ZNF260: variants seen among roughly 807,000 people sequenced by gnomAD.
ZNF260 encodes the protein zfp-260.
Under a neutral mutation model 29.3 loss-of-function variants are expected in ZNF260, and 21 were observed. That is an observed-to-expected ratio of 0.72 (90% CI 0.51 to 1.03). The LOEUF (loss-of-function observed/expected upper bound fraction) is 1.03. Among genes scored for constraint, ZNF260 ranks in the 50% least tolerant of loss-of-function variants. ZNF260 has a pLI of 0.00. For missense variants in ZNF260, 465 were observed against 487.8 expected (o/e 0.95, Z 0.44); for synonymous variants, 156 against 156.8 (o/e 0.99, Z 0.04).
intron 2 of ZNF260, among the ~76,000 whole-genome samples, chr19:36,523,789 G>T (rs1474068871): frequency 6.6e-6 from 1 of 151,790 alleles, no homozygotes; most frequent in African/African-American, 2.4e-5. Flanking sequence ...TGTTGGTCAG[G>T]CTGGTCTCAA....
intron 1 of ZNF260, among the ~76,000 whole-genome samples, chr19:36,525,606 G>C: frequency 6.6e-6 from 1 of 152,078 alleles, no homozygotes; most frequent in East Asian, 1.9e-4. Flanking sequence ...GGCCAACATG[G>C]TGAAACCCTG....
Position 36,513,174 on chromosome 19 carries a change from T to G in ZNF260, c.*826A>C, listed in dbSNP as rs1600205426. The G allele has an allele frequency of 1.3e-5, 2 of 152,258 alleles. No homozygotes were observed. Among genetic ancestry groups the G allele is most frequent in the East Asian group, 3.9e-4 (2 of 5,182 alleles). 9.4% of individuals were successfully genotyped at this position (152,258 alleles called of 1,614,324 possible). ...TATATATAAGAAAAAAACATAGACATAGAGTTTGGTCCTATCTGGGTTTTA... is the reference window on the plus strand; with the variant it reads ...TATATATAAGAAAAAAACATAGACAGAGAGTTTGGTCCTATCTGGGTTTTA... On this transcript the variant is annotated 3_prime_UTR_variant, in exon 3 of 3. Coordinates refer to ENST00000523638, the MANE Select transcript of ZNF260 (RefSeq NM_001166037.2).
chr19:36,527,724 C>T (rs555426980), intron 1 of ZNF260, among the ~76,000 whole-genome samples: 1 of 152,198 alleles, frequency 6.6e-6, no homozygotes, highest in South Asian at 2.1e-4. Context: ...CACCCAGTAA[C>T]AAGTTTTTCC....
At chr19:36,516,723 C>T (rs1046478653) in intron 2 of ZNF260, among the ~76,000 whole-genome samples, 7 of 152,144 alleles carry the variant, frequency 4.6e-5, no homozygotes, top group African/African-American at 9.7e-5. Flanking sequence ...GGACTACAGG[C>T]GCCCACCACC....
At position 36,514,658 on chromosome 19, in the gene ZNF260, C is replaced by G. The variant is rs2034514370; in HGVS notation, c.581G>C (p.Cys194Ser). Residue 194 changes from cysteine to serine, a missense_variant, in exon 3 of 3, where the codon TGT (cysteine) becomes TCT (serine). Transcript: ENST00000523638. ...NIHTGKKPFK[C>S]SECGKAFSQK... The stretch of plus-strand genomic sequence containing the variant: ...GCTAAAAGCTTTTCCACACTCACTA[C>G]ATTTAAAGGGCTTCTTTCCAGTATG... 6.2e-7 allele frequency: 1 copy of G among 1,613,942 alleles called. No individual in the cohort carries two copies. Among genetic ancestry groups the G allele is most frequent in the Non-Finnish European group, 8.5e-7 (1 of 1,180,020 alleles).
chr19:36,515,069 C>A lies in ZNF260; in HGVS notation c.170G>T (p.Cys57Phe). 1.2e-6 allele frequency: 2 copies of A among 1,614,104 alleles called. No homozygotes were observed. The highest frequency in any genetic ancestry group is 1.7e-6 in the Non-Finnish European group (2 of 1,180,016). Residue 57 changes from cysteine to phenylalanine, a missense_variant, in exon 3 of 3, where the codon TGC becomes TTC. Cys to Phe is a radical substitution (Grantham distance 205). Coordinates refer to ENST00000523638, the MANE Select transcript of ZNF260 (RefSeq NM_001166037.2). ...AGAGCACACTTTACCACATTCAGTG[C>A]ATTCATGAGATTTCTCTCCAGTATG... Reference protein sequence around the residue: ...KMHTGEKSHECTECGKVCSRV... With the variant: ...KMHTGEKSHEFTECGKVCSRV...
intron 2 of ZNF260, among the ~76,000 whole-genome samples, chr19:36,517,622 T>C (rs2034572913): frequency 6.6e-6 from 1 of 152,074 alleles, no homozygotes; most frequent in South Asian, 2.1e-4. Context: ...CCCTGAACTC[T>C]CCTAGCTGGA....
chr19:36,521,473 C>G (rs1269211840), intron 2 of ZNF260, among the ~76,000 whole-genome samples: 1 of 152,208 alleles, frequency 6.6e-6, no homozygotes, highest in Non-Finnish European at 1.5e-5. Flanking sequence ...ATTCTCAGGA[C>G]CAGGTGCAGT....
At chr19:36,524,808 A>C (rs573391849) in intron 2 of ZNF260, among the ~76,000 whole-genome samples, 2 of 152,110 alleles carry the variant, frequency 1.3e-5, no homozygotes, top group South Asian at 4.1e-4. Context: ...AAAAGTGAAA[A>C]ATGGAGAATG....
At chr19:36,519,757 G>A (rs751490998) in intron 2 of ZNF260, among the ~76,000 whole-genome samples, 30 of 152,092 alleles carry the variant, frequency 2.0e-4, no homozygotes, top group Non-Finnish European at 3.8e-4. Context: ...CCTTTCACTT[G>A]TAAATTTCAA....
chr19:36,523,577 C>CTT (rs765534834), intron 2 of ZNF260, among the ~76,000 whole-genome samples: 23 of 134,882 alleles, frequency 1.7e-4, no homozygotes, highest in South Asian at 7.1e-4. Context: ...AGTATTATTT[C>CTT]TTTTTTTTTT....
chr19:36,515,034 A>G lies in ZNF260; in HGVS notation c.205T>C (p.Ser69Pro). Residue 69 changes from serine (S) to proline (P), a missense_variant, in exon 3 of 3, where the codon TCT becomes CCT. Coordinates refer to ENST00000523638, the MANE Select transcript of ZNF260 (RefSeq NM_001166037.2). ...TGACTTCTAAGGTGTAGAGTAAGAGATGAGACTCGAGAGCACACTTTACCA... is the reference window on the plus strand; with the variant it reads ...TGACTTCTAAGGTGTAGAGTAAGAGGTGAGACTCGAGAGCACACTTTACCA... ...ECGKVCSRVS[S>P]LTLHLRSHTG... The G allele has an allele frequency of 6.2e-7, 1 of 1,614,088 alleles. No individual in the cohort carries two copies. The highest frequency in any genetic ancestry group is 8.5e-7 in the Non-Finnish European group (1 of 1,180,014).
rs763378033 is a variant in ZNF260 at position 36,514,504 on chromosome 19, C to A, written c.735G>T (p.Glu245Asp). The A allele has an allele frequency of 6.2e-7, 1 of 1,613,658 alleles. No individual in the cohort carries two copies. The highest frequency in any genetic ancestry group is 8.5e-7 in the Non-Finnish European group (1 of 1,179,910). Residue 245 changes from glutamate to aspartate, a missense_variant, in exon 3 of 3, where the codon GAG becomes GAT. Coordinates refer to ENST00000523638, the MANE Select transcript of ZNF260 (RefSeq NM_001166037.2). Reference protein sequence around the residue: ...LIRHQRSHTGEKPYTCKECGK... With the variant: ...LIRHQRSHTGDKPYTCKECGK... ...CACATTCCTTACACGTATAAGGTTT[C>A]TCTCCTGTGTGACTTCTCTGGTGTC...
rs2034483418 is a variant in ZNF260, at chr19:36,513,358, T to C, written c.*642A>G. The C allele has an allele frequency of 6.2e-6, 1 of 161,068 alleles. No homozygotes were observed. Among genetic ancestry groups the C allele is most frequent in the South Asian group, 2.0e-4 (1 of 4,920 alleles). 10.0% of individuals were successfully genotyped at this position (161,068 alleles called of 1,614,324 possible). Reference sequence around the variant, plus strand: ...TATAAAACTGTTATATTATTAAGTATTGCTTTTTGCATTTTAGTCTTTAGT... The same window carrying C: ...TATAAAACTGTTATATTATTAAGTACTGCTTTTTGCATTTTAGTCTTTAGT... On this transcript the variant is annotated 3_prime_UTR_variant, in exon 3 of 3. Coordinates refer to ENST00000523638, the MANE Select transcript of ZNF260 (RefSeq NM_001166037.2).
rs560114647 is a variant in ZNF260 at position 36,512,284 on chromosome 19, G to A, written c.*1716C>T. Reference sequence around the variant, plus strand: ...AGAATATTAGTATCTGACTAGGAATGTAAGTCCATTATGTTTCATGTACAG... The same window carrying A: ...AGAATATTAGTATCTGACTAGGAATATAAGTCCATTATGTTTCATGTACAG... On this transcript the variant is annotated 3_prime_UTR_variant, in exon 3 of 3. Coordinates refer to ENST00000523638, the MANE Select transcript of ZNF260 (RefSeq NM_001166037.2). 6.6e-5 allele frequency: 10 copies of A among 152,220 alleles called. No individual in the cohort carries two copies. The highest frequency in any genetic ancestry group is 4.1e-4 in the South Asian group (2 of 4,830). The allele number at this position is 152,220 out of a possible 1,614,324, so 9.4% of individuals were successfully genotyped here. A position where few individuals can be genotyped will look rare whatever the true frequency, so the allele number is the denominator to read the frequency against.
chr19:36,524,480 G>A (rs2034696482), intron 2 of ZNF260, among the ~76,000 whole-genome samples: 1 of 149,988 alleles, frequency 6.7e-6, no homozygotes, highest in South Asian at 2.1e-4. Flanking sequence ...CGCCTGGCCA[G>A]AATGATTACA....
rs1003075142 is a variant in ZNF260, at chr19:36,512,964, T to A, written c.*1036A>T. 6.6e-6 allele frequency: 1 copy of A among 152,186 alleles called. No individual in the cohort carries two copies. The allele number at this position is 152,186 out of a possible 1,614,324, so 9.4% of individuals were successfully genotyped here. On this transcript the variant is annotated 3_prime_UTR_variant, in exon 3 of 3. Coordinates refer to ENST00000523638, the MANE Select transcript of ZNF260 (RefSeq NM_001166037.2). ...CAGCTTTGCTTTCCATGGTTTCAGT[T>A]ACCTGTAGTCACCACAGTTCATAAA...
intron 1 of ZNF260, among the ~76,000 whole-genome samples, chr19:36,527,444 G>A (rs1195991890): frequency 6.6e-6 from 1 of 152,100 alleles, no homozygotes; most frequent in Non-Finnish European, 1.5e-5. Flanking sequence ...TTCTATCTTT[G>A]TATACACAAG....
intron 2 of ZNF260, among the ~76,000 whole-genome samples, chr19:36,522,865 A>G (rs2034669906): frequency 6.6e-6 from 1 of 152,238 alleles, no homozygotes; most frequent in African/African-American, 2.4e-5. Context: ...CCAAGAAATC[A>G]ATTCCTACAT....
Sources: gnomAD v4.1 joint callset for allele counts (sites outside exome capture counted in the v4.1 genomes callset) on GRCh38, gnomAD v4.1.1 for gene constraint, MANE v1.5 for transcripts, NCBI Gene and HGNC (gene_info 2026-07-23, HGNC 2026-07-21) for gene names.